Variants in HEPHL1 observed in about 807,000 individuals in gnomAD.
HEPHL1 encodes hephaestin like 1.
Under a neutral mutation model 122.0 loss-of-function variants are expected in HEPHL1, and 123 were observed. The observed-to-expected ratio is 1.01, with a 90% confidence interval of 0.87 to 1.17. The LOEUF is 1.17. HEPHL1 is among the 50% of genes most tolerant of loss of function. The pLI, the probability that HEPHL1 is intolerant of heterozygous loss-of-function variation, is 0.00. For synonymous variants in HEPHL1, 527 were observed against 508.9 expected, an observed-to-expected ratio of 1.04 and a Z score of -0.48; for missense variants, 1,452 against 1,430.5, an observed-to-expected ratio of 1.01 and a Z score of -0.24.
In HEPHL1 at chr11:94,048,131, A is replaced by G. The variant is rs768846997; in HGVS notation, c.415+2214A>G. On this transcript the variant is annotated intron_variant, in intron 2 of 19. Transcript: ENST00000315765. ...TATTTCACTTAGCATAATATTTTCA[A>G]TGCTTATGTATATTTTAGTATGCAT... 2.6e-5 allele frequency among the ~76,000 whole-genome samples: 4 copies of G among 152,226 alleles called. No homozygotes were observed. In the South Asian group the frequency reaches 6.2e-4, roughly 24 times the overall value.
intron 1 of HEPHL1, among the ~76,000 whole-genome samples, chr11:94,024,587 C>T (rs1351465587): frequency 2.0e-5 from 3 of 152,028 alleles, no homozygotes; most frequent in East Asian, 1.9e-4. Flanking sequence ...CCATTTTTTC[C>T]CCTGTCCTTT....
intron 9 of HEPHL1, among the ~76,000 whole-genome samples, chr11:94,076,124 C>G (rs1326242098): frequency 6.6e-6 from 1 of 152,084 alleles, no homozygotes; most frequent in Non-Finnish European, 1.5e-5. Flanking sequence ...AAAGGAATTT[C>G]CAGATTTAAA....
intron 2 of HEPHL1, among the ~76,000 whole-genome samples, chr11:94,056,921 T>C (rs1476301777): frequency 6.6e-6 from 1 of 152,196 alleles, no homozygotes; most frequent in Non-Finnish European, 1.5e-5. Context: ...AGTTTGATTG[T>C]CCTTTAGTAT....
intron 2 of HEPHL1, among the ~76,000 whole-genome samples, chr11:94,053,182 T>C (rs951754006): frequency 6.6e-6 from 1 of 152,114 alleles, no homozygotes; most frequent in Non-Finnish European, 1.5e-5. Context: ...TATATTTTAG[T>C]CAGTTTTGGT....
intron 2 of HEPHL1, among the ~76,000 whole-genome samples, chr11:94,057,382 C>A (rs1043065515): frequency 3.9e-5 from 6 of 152,054 alleles, no homozygotes; most frequent in Admixed American, 1.3e-4. Flanking sequence ...CCTCTTTCTG[C>A]AGACAACTGT....
intron 1 of HEPHL1, among the ~76,000 whole-genome samples, chr11:94,039,669 C>G (rs1945757741): frequency 6.6e-6 from 1 of 151,338 alleles, no homozygotes; most frequent in Non-Finnish European, 1.5e-5. Context: ...TTCTTTGAAA[C>G]CAACGAGAAC....
chr11:94,071,437 C>T lies in HEPHL1; in HGVS notation c.1232+895C>T, dbSNP rs115252054. Among the ~76,000 whole-genome samples the T allele has an allele frequency of 7.0e-3, 1,065 of 152,228 alleles. 9 individuals carry two copies. Among genetic ancestry groups the T allele is most frequent in the African/African-American group, 0.023 (976 of 41,558 alleles). The stretch of plus-strand genomic sequence containing the variant: ...ATTTGTGTGAACCATATGTGAAAGA[C>T]TCTGATATCAACATTCTCTATTGAC... On this transcript the variant is annotated intron_variant, in intron 6 of 19. Coordinates refer to ENST00000315765, the MANE Select transcript of HEPHL1 (RefSeq NM_001098672.2).
At chr11:94,103,676 C>T (rs932908872) in intron 15 of HEPHL1, among the ~76,000 whole-genome samples, 6 of 152,150 alleles carry the variant, frequency 3.9e-5, no homozygotes, top group Admixed American at 2.0e-4. Flanking sequence ...TGCCATAAAC[C>T]AAAGTCCAAT....
rs554239569 is a variant in HEPHL1 at position 94,112,747 on chromosome 11, T to G, written c.*853T>G. On this transcript the variant is annotated 3_prime_UTR_variant, in exon 20 of 20. Transcript: ENST00000315765. ...TATGAATCAGGGACTCCCTGAGAGTTTAGAGCAAGCTTTCTATCAGGGAGG... is the reference window on the plus strand; with the variant it reads ...TATGAATCAGGGACTCCCTGAGAGTGTAGAGCAAGCTTTCTATCAGGGAGG... 6.6e-6 allele frequency: 1 copy of G among 152,228 alleles called. No individual in the cohort carries two copies. Among genetic ancestry groups the G allele is most frequent in the Non-Finnish European group, 1.5e-5 (1 of 68,024 alleles). 9.4% of individuals were successfully genotyped at this position (152,228 alleles called of 1,614,324 possible).
intron 1 of HEPHL1, among the ~76,000 whole-genome samples, chr11:94,028,312 C>T (rs1200472399): frequency 6.6e-6 from 1 of 152,136 alleles, no homozygotes; most frequent in Non-Finnish European, 1.5e-5. Context: ...TCAGCAATTG[C>T]TCCAAGGAAG....
chr11:94,074,224 C>A (rs1315548469), intron 8 of HEPHL1, among the ~76,000 whole-genome samples: 3 of 152,082 alleles, frequency 2.0e-5, no homozygotes, highest in Non-Finnish European at 4.4e-5. Flanking sequence ...CCCATCCTCA[C>A]CCTCTCTTGC....
Position 94,073,322 on chromosome 11 carries a change from G to A in HEPHL1, c.1387G>A (p.Ala463Thr), listed in dbSNP as rs1281733870. ...TATTTTTTCAGGCCCAGTCATCAAG[G>A]CAGAGGTGGGTGATACCCTGTTAGT... is the stretch of plus-strand genomic sequence containing the variant. ...HLGILGPVIKAEVGDTLLVTF... is the reference protein window; with the variant it reads ...HLGILGPVIKTEVGDTLLVTF... The change falls in exon 8 of 20, where the codon GCA becomes ACA. Residue 463 changes from alanine to threonine, a missense_variant. Coordinates refer to ENST00000315765, the MANE Select transcript of HEPHL1 (RefSeq NM_001098672.2). 1.2e-6 allele frequency: 2 copies of A among 1,609,534 alleles called. No homozygotes were observed. Among genetic ancestry groups the A allele is most frequent in the Non-Finnish European group, 1.7e-6 (2 of 1,177,918 alleles).
chr11:94,045,987 G>A, intron 2 of HEPHL1, 70 bp downstream of exon 2: 1 of 1,323,438 alleles, frequency 7.6e-7, no homozygotes, highest in South Asian at 1.3e-5. Flanking sequence ...CAGAGTTAAA[G>A]AGATTTTAGG....
intron 13 of HEPHL1, among the ~76,000 whole-genome samples, chr11:94,097,576 A>G (rs1946328461): frequency 6.6e-6 from 1 of 152,002 alleles, no homozygotes; most frequent in Admixed American, 6.6e-5. Context: ...TATCCTTGTT[A>G]ACTTTCTGTC....
In HEPHL1 at chr11:94,088,781, A is replaced by G. The variant is rs1946238728; in HGVS notation, c.2107A>G (p.Met703Val). ...TATTTTTAGGGTGTTTTGTGCCACC[A>G]TGCCCCACCTCTCGAGAGGCATGGG... ...AGIFRVFCATMPHLSRGMGQI... is the reference protein window; with the variant it reads ...AGIFRVFCATVPHLSRGMGQI... Residue 703 changes from methionine to valine, a missense_variant, in exon 12 of 20, where the codon ATG (methionine) becomes GTG (valine). By Grantham distance (21) the Met-to-Val change is conservative. Transcript: ENST00000315765. 6.2e-7 allele frequency: 1 copy of G among 1,613,712 alleles called. No individual in the cohort carries two copies. Among genetic ancestry groups the G allele is most frequent in the African/African-American group, 1.3e-5 (1 of 74,916 alleles).
At chr11:94,100,539 A>C (rs1232263020) in intron 13 of HEPHL1, among the ~76,000 whole-genome samples, 1 of 152,262 alleles carries the variant, frequency 6.6e-6, no homozygotes, top group Non-Finnish European at 1.5e-5. Flanking sequence ...TGGGTAAACA[A>C]ATATTGAGAA....
Position 94,063,439 on chromosome 11 carries a change from C to G in HEPHL1, c.416-69C>G, listed in dbSNP as rs547665381. 117 of 1,253,068 alleles carry G rather than the reference C, an allele frequency of 9.3e-5. 1 individual carries two copies. The South Asian group carries it at 1.4e-3, about 15-fold the overall frequency. 77.6% of individuals were successfully genotyped at this position (1,253,068 alleles called of 1,614,324 possible). ...TTTGATTCCAAAGCTCTGGCCCTCT[C>G]TACTATAGCATGTGATCTCTCTGTT... On this transcript the variant is annotated intron_variant, in intron 2 of 19. Coordinates refer to ENST00000315765, the MANE Select transcript of HEPHL1 (RefSeq NM_001098672.2).
intron 4 of HEPHL1, among the ~76,000 whole-genome samples, chr11:94,066,349 G>C (rs775611957): frequency 1.3e-5 from 2 of 152,216 alleles, no homozygotes; most frequent in Non-Finnish European, 2.9e-5. Flanking sequence ...GAGGCCAGGA[G>C]TTCAAGACCA....
chr11:94,049,297 T>C (rs1041865211), intron 2 of HEPHL1, among the ~76,000 whole-genome samples: 12 of 133,454 alleles, frequency 9.0e-5, no homozygotes, highest in South Asian at 2.7e-4. Context: ...AAATGGCTAT[T>C]ATCAAAAAGA....
Sources: gnomAD v4.1 joint callset for allele counts (sites outside exome capture counted in the v4.1 genomes callset) on GRCh38, gnomAD v4.1.1 for gene constraint, MANE v1.5 for transcripts, NCBI Gene and HGNC (gene_info 2026-07-23, HGNC 2026-07-21) for gene names.